The following B4GALT5 variants were observed in gnomAD, a reference collection of about 807,000 sequenced individuals.
B4GALT5 encodes UDP-Gal:beta-GlcNAc beta-1,4-galactosyltransferase 5.
In B4GALT5, 11 loss-of-function variants were observed where a neutral mutation model predicts 45.0. That is an observed-to-expected ratio of 0.24 (90% confidence interval 0.15 to 0.40). The LOEUF is 0.40. Ranked by LOEUF, B4GALT5 falls within the 10% of genes least tolerant of loss-of-function variation. The probability of loss-of-function intolerance (pLI) is 1.00; values close to 1 mark genes in which losing one functional copy is unlikely to be tolerated. For synonymous variants in B4GALT5, 185 were observed against 182.9 expected (o/e 1.01, Z -0.09); for missense variants, 337 against 500.2 (o/e 0.67, Z 3.11).
intron 1 of B4GALT5, among the ~76,000 whole-genome samples, chr20:49,690,791 A>T (rs1481038362): frequency 6.6e-6 from 1 of 152,166 alleles, no homozygotes; most frequent in African/African-American, 2.4e-5. Context: ...GTTTCCTAAA[A>T]TTCTATTTTT....
At chr20:49,640,755 A>G (rs1165784848) in intron 5 of B4GALT5, 90 bp from the exon 6 acceptor site, 1 of 1,328,736 alleles carries the variant, frequency 7.5e-7, no homozygotes, top group East Asian at 2.5e-5. Flanking sequence ...TATTAGAACC[A>G]ACTGGAAAAG....
At chr20:49,674,584 G>T (rs567576502) in intron 1 of B4GALT5, among the ~76,000 whole-genome samples, 1 of 151,656 alleles carries the variant, frequency 6.6e-6, no homozygotes, top group African/African-American at 2.4e-5. Flanking sequence ...GACTGCTCAT[G>T]GAAGGGGAAG....
rs541040514 is a variant in B4GALT5, at chr20:49,701,525, G to T, written c.115+12051C>A. 2.6e-5 allele frequency among the ~76,000 whole-genome samples: 4 copies of T among 152,204 alleles called. No homozygotes were observed. In the South Asian group the frequency reaches 8.3e-4, roughly 32 times the overall value. On this transcript the variant is annotated intron_variant, in intron 1 of 8. Transcript: ENST00000371711. ...CATCACGCCCCTCCTAGTCATCTAG[G>T]GACCATCTTGGCAGCCTGTTTCTCT... is the stretch of plus-strand genomic sequence containing the variant.
chr20:49,663,125 TG>T (rs1341274117), intron 1 of B4GALT5, among the ~76,000 whole-genome samples: 1 of 152,228 alleles, frequency 6.6e-6, no homozygotes, highest in Non-Finnish European at 1.5e-5. Flanking sequence ...ACATGTGGTA[TG>T]ATTCCATGTA....
chr20:49,639,889 G>T, intron 6 of B4GALT5, 89 bp from the exon 7 acceptor site: 1 of 1,516,118 alleles, frequency 6.6e-7, no homozygotes, highest in Non-Finnish European at 9.0e-7. Context: ...TAAAAACAGT[G>T]CTCTCTGTGC....
chr20:49,659,355 T>C (rs563008807), intron 1 of B4GALT5, among the ~76,000 whole-genome samples: 86 of 152,330 alleles, frequency 5.6e-4, no homozygotes, highest in Non-Finnish European at 1.1e-3. Flanking sequence ...CAAACCCCAG[T>C]TCACAGACCT....
intron 1 of B4GALT5, among the ~76,000 whole-genome samples, chr20:49,660,505 C>T (rs945681944): frequency 6.6e-6 from 1 of 152,206 alleles, no homozygotes; most frequent in African/African-American, 2.4e-5. Context: ...GGTAATCAAT[C>T]AATCAATCTT....
chr20:49,690,879 C>A (rs1239577026), intron 1 of B4GALT5, among the ~76,000 whole-genome samples: 1 of 151,998 alleles, frequency 6.6e-6, no homozygotes, highest in Non-Finnish European at 1.5e-5. Context: ...ATTTATATTC[C>A]TTGAATACCT....
intron 1 of B4GALT5, among the ~76,000 whole-genome samples, 158 bp downstream of exon 1, chr20:49,713,418 G>C (rs1172003057): frequency 6.6e-6 from 1 of 151,836 alleles, no homozygotes; most frequent in Admixed American, 6.6e-5. Context: ...GGGCAGGAAT[G>C]TCCTGGCGTC....
chr20:49,683,470 TACAACCTC>T, intron 1 of B4GALT5, among the ~76,000 whole-genome samples: 1 of 141,192 alleles, frequency 7.1e-6, no homozygotes, highest in East Asian at 2.4e-4. Context: ...CTCGGCTCAC[TACAACCTC>T]CGCCTCCTGG....
At chr20:49,647,983 C>T (rs1308878476) in intron 2 of B4GALT5, among the ~76,000 whole-genome samples, 3 of 152,130 alleles carry the variant, frequency 2.0e-5, no homozygotes, top group Non-Finnish European at 4.4e-5. Context: ...CATTTATCTG[C>T]CCTACTTTCC....
intron 1 of B4GALT5, among the ~76,000 whole-genome samples, chr20:49,660,193 C>CA (rs1215951597): frequency 2.6e-5 from 4 of 152,304 alleles, no homozygotes; most frequent in Middle Eastern, 3.4e-3. Flanking sequence ...CTACACTTGA[C>CA]AAAGAGTTGT....
intron 1 of B4GALT5, among the ~76,000 whole-genome samples, chr20:49,662,346 TAAA>T (rs1260212673): frequency 6.6e-6 from 1 of 152,190 alleles, no homozygotes; most frequent in African/African-American, 2.4e-5. Flanking sequence ...CAACATATTT[TAAA>T]ATTTATCTTG....
chr20:49,678,256 C>T (rs1359022240), intron 1 of B4GALT5, among the ~76,000 whole-genome samples: 1 of 152,196 alleles, frequency 6.6e-6, no homozygotes, highest in East Asian at 1.9e-4. Context: ...AGATGAAGGT[C>T]AACTTGGTTA....
At chr20:49,708,821 A>T (rs998562502) in intron 1 of B4GALT5, among the ~76,000 whole-genome samples, 3 of 151,728 alleles carry the variant, frequency 2.0e-5, no homozygotes, top group African/African-American at 7.3e-5. Flanking sequence ...AATCCCAGCA[A>T]CTCAGGAGGC....
chr20:49,711,092 A>T (rs915518693), intron 1 of B4GALT5, among the ~76,000 whole-genome samples: 3 of 151,970 alleles, frequency 2.0e-5, no homozygotes, highest in African/African-American at 7.3e-5. Flanking sequence ...AAAAAAAAAA[A>T]AATTAGTAGG....
chr20:49,701,902 C>G (rs1568735114), intron 1 of B4GALT5, among the ~76,000 whole-genome samples: 1 of 151,868 alleles, frequency 6.6e-6, no homozygotes, highest in Non-Finnish European at 1.5e-5. Context: ...CCATCTCTAC[C>G]AAAAATAAAA....
intron 1 of B4GALT5, among the ~76,000 whole-genome samples, chr20:49,679,064 A>C (rs58610826): frequency 0.11 from 16,372 of 152,220 alleles, 984 homozygotes; most frequent in Admixed American, 0.15. Context: ...ACAAAAGGAG[A>C]GAAGAATGGA....
At chr20:49,640,701 TG>T in intron 5 of B4GALT5, 36 bp from the exon 6 acceptor site, 1 of 1,547,652 alleles carries the variant, frequency 6.5e-7, no homozygotes, top group Non-Finnish European at 8.7e-7. Context: ...AAAAGAATCT[TG>T]AAGGAAAATC....
Sources: gnomAD v4.1 joint callset for allele counts (sites outside exome capture counted in the v4.1 genomes callset) on GRCh38, gnomAD v4.1.1 for gene constraint, MANE v1.5 for transcripts, NCBI Gene and HGNC (gene_info 2026-07-23, HGNC 2026-07-21) for gene names.